The following MRPS27 variants were observed in gnomAD, a reference collection of about 807,000 sequenced individuals.
MRPS27 encodes small ribosomal subunit protein mS27.
In MRPS27, 43 loss-of-function variants were observed where a neutral mutation model predicts 48.9. The ratio of observed to expected loss-of-function variants is 0.88; its 90% CI spans 0.69 to 1.13. The LOEUF is 1.13. MRPS27 is among the 50% of genes most tolerant of loss of function. The pLI, the probability that MRPS27 is intolerant of heterozygous loss-of-function variation, is 0.00. For synonymous variants in MRPS27, 188 were observed against 171.9 expected (o/e 1.09, Z -0.73); for missense variants, 467 against 476.3 (o/e 0.98, Z 0.18).
chr5:72,303,145 G>C (rs1174189469), intron 2 of MRPS27, among the ~76,000 whole-genome samples: 1 of 152,208 alleles, frequency 6.6e-6, no homozygotes, highest in Non-Finnish European at 1.5e-5. Context: ...GGAGAAAAGG[G>C]TTAAAGAATA....
chr5:72,250,042 T>G (rs1035679916), intron 4 of MRPS27, among the ~76,000 whole-genome samples: 4 of 152,210 alleles, frequency 2.6e-5, no homozygotes, highest in Admixed American at 2.6e-4. Flanking sequence ...TTTTGAGCAT[T>G]GATAACAAGT....
intron 7 of MRPS27, chr5:72,229,599 T>C (rs1033090752): frequency 6.6e-6 from 1 of 152,304 alleles, no homozygotes; most frequent in African/African-American, 2.4e-5. Flanking sequence ...GGGAAAAACA[T>C]GAGCTACAGT....
At chr5:72,287,749 A>G (rs1361358192) in intron 4 of MRPS27, among the ~76,000 whole-genome samples, 1 of 152,254 alleles carries the variant, frequency 6.6e-6, no homozygotes, top group Non-Finnish European at 1.5e-5. Flanking sequence ...ATACCACTAA[A>G]CACATGTTGG....
intron 4 of MRPS27, among the ~76,000 whole-genome samples, chr5:72,269,074 C>T (rs1399659916): frequency 6.6e-6 from 1 of 152,156 alleles, no homozygotes; most frequent in East Asian, 1.9e-4. Flanking sequence ...GCTCTGATTA[C>T]ATTATTTGCA....
At chr5:72,222,725 C>T (rs1317140481) in intron 10 of MRPS27, among the ~76,000 whole-genome samples, 1 of 152,224 alleles carries the variant, frequency 6.6e-6, no homozygotes, top group East Asian at 1.9e-4. Flanking sequence ...AGCTATACTG[C>T]CAATTCTCTG....
chr5:72,238,793 G>A (rs1023821585), intron 4 of MRPS27, among the ~76,000 whole-genome samples: 14 of 152,156 alleles, frequency 9.2e-5, no homozygotes, highest in Non-Finnish European at 2.1e-4. Flanking sequence ...CCCAGGATGA[G>A]TTATATACAG....
At chr5:72,226,943 C>T (rs1747916834) in intron 8 of MRPS27, 1 of 152,124 alleles carries the variant, frequency 6.6e-6, no homozygotes, top group Admixed American at 6.5e-5. Context: ...CTTGAGCTGC[C>T]CAGTCTTAAA....
intron 4 of MRPS27, among the ~76,000 whole-genome samples, chr5:72,242,274 C>T (rs1334144491): frequency 5.3e-5 from 8 of 152,042 alleles, no homozygotes; most frequent in Admixed American, 4.6e-4. Flanking sequence ...CTCTTAAGGG[C>T]ATCTGCCTGC....
At chr5:72,278,822 G>T (rs1008903137) in intron 4 of MRPS27, among the ~76,000 whole-genome samples, 1 of 151,810 alleles carries the variant, frequency 6.6e-6, no homozygotes, top group South Asian at 2.1e-4. Context: ...AGATAGCTTT[G>T]GCTTATTCTT....
At chr5:72,306,737 ATGAT>A (rs1292675144) in intron 2 of MRPS27, among the ~76,000 whole-genome samples, 1 of 152,232 alleles carries the variant, frequency 6.6e-6, no homozygotes, top group Non-Finnish European at 1.5e-5. Context: ...TTAGAATAGT[ATGAT>A]TAATTACGTT....
intron 5 of MRPS27, among the ~76,000 whole-genome samples, chr5:72,234,518 C>G (rs1748151570): frequency 6.6e-6 from 1 of 151,878 alleles, no homozygotes; most frequent in African/African-American, 2.4e-5. Context: ...CCACACAACC[C>G]CCCTAACTGG....
At chr5:72,250,648 T>G (rs1388853780) in intron 4 of MRPS27, among the ~76,000 whole-genome samples, 1 of 152,220 alleles carries the variant, frequency 6.6e-6, no homozygotes, top group Non-Finnish European at 1.5e-5. Flanking sequence ...ATAGAGATGA[T>G]AATACCTTAA....
At chr5:72,274,385 A>G (rs1252321961) in intron 4 of MRPS27, among the ~76,000 whole-genome samples, 2 of 152,114 alleles carry the variant, frequency 1.3e-5, no homozygotes, top group Non-Finnish European at 2.9e-5. Context: ...AAAACTTAAT[A>G]CACAAACACA....
intron 4 of MRPS27, among the ~76,000 whole-genome samples, chr5:72,256,220 G>A (rs1265967567): frequency 2.0e-5 from 3 of 152,218 alleles, no homozygotes; most frequent in South Asian, 4.1e-4. Context: ...TATATTCCAC[G>A]TATTATGAAG....
intron 4 of MRPS27, among the ~76,000 whole-genome samples, chr5:72,262,607 T>C (rs1055113092): frequency 3.3e-5 from 5 of 151,714 alleles, no homozygotes; most frequent in Non-Finnish European, 7.4e-5. Context: ...CTATAATCAA[T>C]AGTAATAAAC....
At chr5:72,221,800 T>C (rs2111926755) in intron 10 of MRPS27, among the ~76,000 whole-genome samples, 2 of 152,240 alleles carry the variant, frequency 1.3e-5, no homozygotes, top group East Asian at 3.9e-4. Context: ...GCATTGGGTC[T>C]TAGGAACTCT....
chr5:72,269,016 G>A (rs1368742862), intron 4 of MRPS27, among the ~76,000 whole-genome samples: 2 of 152,188 alleles, frequency 1.3e-5, no homozygotes, highest in African/African-American at 4.8e-5. Flanking sequence ...CTCAGATGGG[G>A]AGAAGGAGGG....
chr5:72,238,338 A>G (rs1426182185), intron 4 of MRPS27, among the ~76,000 whole-genome samples: 2 of 152,264 alleles, frequency 1.3e-5, no homozygotes, highest in South Asian at 2.1e-4. Flanking sequence ...ATAACAAAAA[A>G]TTTTACAAAA....
chr5:72,241,831 G>A (rs1748359229), intron 4 of MRPS27: 2 of 701,872 alleles, frequency 2.8e-6, no homozygotes, highest in African/African-American at 1.8e-5. Flanking sequence ...AGTCCCCTCT[G>A]TGCGCCTATG....
Sources: allele counts gnomAD v4.1 joint callset (sites outside exome capture counted in the v4.1 genomes callset), GRCh38; gene constraint gnomAD v4.1.1; transcripts MANE v1.5; gene names NCBI Gene and HGNC (gene_info 2026-07-23, HGNC 2026-07-21).